TBC1D30: variants seen among roughly 807,000 people sequenced by gnomAD.
The protein encoded by TBC1D30 is TBC1 domain family, member 30.
In TBC1D30, 31 loss-of-function variants were observed where a neutral mutation model predicts 63.2. The ratio of observed to expected loss-of-function variants is 0.49; its 90% CI spans 0.37 to 0.66. The LOEUF (loss-of-function observed/expected upper bound fraction) is 0.66. Among genes scored for constraint, TBC1D30 ranks in the 30% least tolerant of loss-of-function variants. TBC1D30 has a pLI of 0.00. For synonymous variants in TBC1D30, 307 were observed against 361.5 expected, an observed-to-expected ratio of 0.85 and a Z score of 1.71; for missense variants, 810 against 953.6, an observed-to-expected ratio of 0.85 and a Z score of 1.98.
intron 1 of TBC1D30, among the ~76,000 whole-genome samples, chr12:64,773,395 C>G (rs1870974226): frequency 6.6e-6 from 1 of 152,198 alleles, no homozygotes; most frequent in East Asian, 1.9e-4. Flanking sequence ...TTTGGGTGAC[C>G]TAGCCATTCC....
In TBC1D30 at chr12:64,824,797, CTCCG is replaced by C. The variant is rs1364906114; in HGVS notation, c.-82_-79del. On this transcript the variant is annotated 5_prime_UTR_variant, in exon 1 of 12. Coordinates refer to ENST00000539867, the MANE Select transcript of TBC1D30 (RefSeq NM_015279.2). ...CGGTCAGCCGCAGACACTCACCCAG[CTCCG>C]CGAGCTCAGCCGCTCAGCGAGTGGG... 1 of 1,475,250 alleles carries C rather than the reference CTCCG, an allele frequency of 6.8e-7. No individual in the cohort carries two copies. Among genetic ancestry groups the C allele is most frequent in the Non-Finnish European group, 9.0e-7 (1 of 1,112,490 alleles). 91.4% of individuals were successfully genotyped at this position (1,475,250 alleles called of 1,614,324 possible).
In TBC1D30 at chr12:64,874,469, A is replaced by C. The variant is rs10161024; in HGVS notation, c.1499-532A>C. Among the ~76,000 whole-genome samples the C allele has an allele frequency of 8.7e-3, 1,326 of 152,318 alleles. 24 individuals are homozygous for C. The highest frequency in any genetic ancestry group is 0.03 in the African/African-American group (1,257 of 41,566). On this transcript the variant is annotated intron_variant, in intron 11 of 11. Coordinates refer to ENST00000539867, the MANE Select transcript of TBC1D30 (RefSeq NM_015279.2). ...GACACAGGAGTGGTTTTTCACCTGT[A>C]GGGCTAGATGCTGGATAGCTGTGAT...
intron 2 of TBC1D30, among the ~76,000 whole-genome samples, chr12:64,799,485 A>G (rs969057381): frequency 6.6e-6 from 1 of 152,254 alleles, no homozygotes; most frequent in Non-Finnish European, 1.5e-5. Context: ...TAGCCTGTGT[A>G]AGGCAATTAT....
intron 8 of TBC1D30, among the ~76,000 whole-genome samples, chr12:64,857,000 C>T (rs1358765105): frequency 1.3e-5 from 2 of 152,070 alleles, no homozygotes; most frequent in African/African-American, 4.8e-5. Flanking sequence ...AGTGGGCTCC[C>T]CACTGCCCCA....
At chr12:64,807,544 T>C (rs1246541181) in intron 2 of TBC1D30, among the ~76,000 whole-genome samples, 1 of 152,138 alleles carries the variant, frequency 6.6e-6, no homozygotes, top group East Asian at 1.9e-4. Flanking sequence ...TTGTATATAT[T>C]TTACAACAGT....
At chr12:64,850,858 C>G (rs543395465) in intron 8 of TBC1D30, among the ~76,000 whole-genome samples, 1 of 152,250 alleles carries the variant, frequency 6.6e-6, no homozygotes, top group East Asian at 1.9e-4. Flanking sequence ...GGTACCAGCT[C>G]CTCTTTGTAC....
chr12:64,774,591 C>T (rs181015123), intron 1 of TBC1D30, among the ~76,000 whole-genome samples: 2 of 152,304 alleles, frequency 1.3e-5, no homozygotes, highest in Admixed American at 1.3e-4. Context: ...AACAACAGAC[C>T]TCTCAGAGGA....
At chr12:64,833,197 A>C (rs1445683492) in intron 5 of TBC1D30, among the ~76,000 whole-genome samples, 1 of 152,150 alleles carries the variant, frequency 6.6e-6, no homozygotes, top group East Asian at 1.9e-4. Context: ...GTGTCTAAGG[A>C]AGGTGTTTGC....
At chr12:64,793,014 A>G (rs963863082) in intron 2 of TBC1D30, among the ~76,000 whole-genome samples, 12 of 152,218 alleles carry the variant, frequency 7.9e-5, no homozygotes, top group Non-Finnish European at 1.6e-4. Context: ...TAGGAGCAGG[A>G]GCAAGGCCAT....
chr12:64,852,135 C>T (rs1876929969), intron 8 of TBC1D30, among the ~76,000 whole-genome samples: 1 of 152,172 alleles, frequency 6.6e-6, no homozygotes, highest in Non-Finnish European at 1.5e-5. Flanking sequence ...TCCATTCTTC[C>T]CGTCACTTTC....
At chr12:64,840,003 T>TAA (rs1875714581) in intron 7 of TBC1D30, among the ~76,000 whole-genome samples, 1 of 23,212 alleles carries the variant, frequency 4.3e-5, no homozygotes, top group African/African-American at 4.2e-4. Context: ...AGACTCTGTC[T>TAA]CAAAAAAAAA....
chr12:64,871,379 A>G (rs556121716), intron 11 of TBC1D30, among the ~76,000 whole-genome samples: 1 of 152,352 alleles, frequency 6.6e-6, no homozygotes, highest in East Asian at 1.9e-4. Flanking sequence ...TTTTAATTCC[A>G]AAAATCCCAG....
At chr12:64,808,256 A>G (rs558270978) in intron 2 of TBC1D30, among the ~76,000 whole-genome samples, 1 of 152,172 alleles carries the variant, frequency 6.6e-6, no homozygotes, top group South Asian at 2.1e-4. Context: ...TAGTACTTCT[A>G]TTTTTAGGAT....
At chr12:64,810,463 C>T (rs1377622827) in intron 2 of TBC1D30, among the ~76,000 whole-genome samples, 8 of 152,048 alleles carry the variant, frequency 5.3e-5, no homozygotes, top group African/African-American at 1.7e-4. Flanking sequence ...ATTAGCTGGG[C>T]GTGGTAATGG....
chr12:64,831,178 C>A (rs1874827281), intron 4 of TBC1D30, among the ~76,000 whole-genome samples: 1 of 152,128 alleles, frequency 6.6e-6, no homozygotes, highest in Non-Finnish European at 1.5e-5. Flanking sequence ...TTTTGGCCAC[C>A]TCAAGATGGC....
intron 8 of TBC1D30, among the ~76,000 whole-genome samples, chr12:64,848,482 T>C (rs1251982068): frequency 6.6e-6 from 1 of 152,090 alleles, no homozygotes; most frequent in Non-Finnish European, 1.5e-5. Context: ...TGTCCATGTG[T>C]TCTCATTGTT....
chr12:64,874,666 A>C (rs970045598), intron 11 of TBC1D30, among the ~76,000 whole-genome samples: 1 of 152,078 alleles, frequency 6.6e-6, no homozygotes, highest in Non-Finnish European at 1.5e-5. Flanking sequence ...TTCTAAGTAC[A>C]GTAACTCAGA....
chr12:64,853,020 C>G (rs114310003), intron 8 of TBC1D30, among the ~76,000 whole-genome samples: 1 of 152,152 alleles, frequency 6.6e-6, no homozygotes, highest in East Asian at 1.9e-4. Context: ...GAGCACTGTG[C>G]GGAGAGATCC....
intron 1 of TBC1D30, among the ~76,000 whole-genome samples, chr12:64,784,476 C>A (rs1247195060): frequency 6.6e-6 from 1 of 151,682 alleles, no homozygotes; most frequent in African/African-American, 2.4e-5. Flanking sequence ...TCTTTAGTTT[C>A]TCCATATCCC....
Sources: allele counts gnomAD v4.1 joint callset (sites outside exome capture counted in the v4.1 genomes callset), GRCh38; gene constraint gnomAD v4.1.1; transcripts MANE v1.5; gene names NCBI Gene and HGNC (gene_info 2026-07-23, HGNC 2026-07-21).